Variants in ATP13A1 observed in about 807,000 individuals in gnomAD.
The protein encoded by ATP13A1 is ATPase 13A1.
A neutral mutation model predicts 134.8 loss-of-function variants in ATP13A1; 55 were observed. The observed-to-expected ratio is 0.41, with a 90% CI of 0.33 to 0.51. ATP13A1 has a LOEUF of 0.51. ATP13A1 is among the 20% of genes least tolerant of loss of function. ATP13A1 has a pLI of 0.29. For missense variants in ATP13A1, 1,389 were observed against 1,652.8 expected, an observed-to-expected ratio of 0.84 and a Z score of 2.77; for synonymous variants, 775 against 725.1, an observed-to-expected ratio of 1.07 and a Z score of -1.10.
At chr19:19,657,429 T>G (rs1032452881) in intron 3 of ATP13A1, 21 bp from the exon 4 acceptor site, 2 of 1,556,542 alleles carry the variant, frequency 1.3e-6, no homozygotes, top group African/African-American at 2.7e-5. Flanking sequence ...CCAGGCCCCA[T>G]CCTGTTCCCA....
Position 19,655,407 on chromosome 19 carries a change from G to A in ATP13A1, c.1443C>T (p.Cys481=). The change falls in exon 11 of 26, where the codon TGC becomes TGT. Residue 481 remains cysteine (C), a synonymous_variant. Coordinates refer to ENST00000357324, the MANE Select transcript of ATP13A1 (RefSeq NM_020410.3). The surrounding 1 kb of genome is among the most constrained non-coding windows in gnomAD (Gnocchi z 5.7). The part of the protein sequence containing the change: ...SRNRYKLFLE[C]TLILTSVVPP... ...GCACGACCGAGGTGAGGATCAGGGT[G>A]CACTCCAGAAACAGCTTGTAGCGGT... is the stretch of plus-strand genomic sequence containing the variant. 6.2e-7 allele frequency: 1 copy of A among 1,614,020 alleles called. No homozygotes were observed. The highest frequency in any genetic ancestry group is 8.5e-7 in the Non-Finnish European group (1 of 1,179,886).
chr19:19,663,141 G>A, intron 1 of ATP13A1, 130 bp downstream of exon 1: 3 of 1,321,756 alleles, frequency 2.3e-6, no homozygotes, highest in Non-Finnish European at 3.2e-6. Flanking sequence ...AGTGTAGAGG[G>A]TGCCCCTGGG....
In ATP13A1 at chr19:19,647,303, G is replaced by T. The variant is rs749591190; in HGVS notation, c.2931C>A (p.Gly977=). The stretch of plus-strand genomic sequence containing the variant: ...GTAGCGTGGTCACCAGCGTGCAGCG[G>T]CCCTGCTTGATCACGTGGCAGACTG... ...IQCICHVIKQ[G]RCTLVTTLQM... Residue 977 remains glycine (G), a synonymous_variant, in exon 22 of 26, where the codon GGC becomes GGA. Transcript: ENST00000357324. This position sits in a 1 kb window ranked among gnomAD's most constrained non-coding sequence, Gnocchi z 4.8. 6.2e-7 allele frequency: 1 copy of T among 1,613,034 alleles called. No homozygotes were observed. Among genetic ancestry groups the T allele is most frequent in the Non-Finnish European group, 8.5e-7 (1 of 1,179,668 alleles).
At position 19,654,162 on chromosome 19, in the gene ATP13A1, C is replaced by A. The variant is rs760543105; in HGVS notation, c.1814-18G>T. On this transcript the variant is annotated intron_variant, in intron 13 of 25. Coordinates refer to ENST00000357324, the MANE Select transcript of ATP13A1 (RefSeq NM_020410.3). ...TTTCTCATCTGGAAACAAATAAGTA[C>A]GAGTCCTGAGGGGCTTTGCTCCAAA... 1 of 1,571,180 alleles carries A rather than the reference C, an allele frequency of 6.4e-7. No homozygotes were observed. Among genetic ancestry groups the A allele is most frequent in the East Asian group, 2.3e-5 (1 of 43,028 alleles).
In ATP13A1 at chr19:19,647,865, G is replaced by A; in HGVS notation, c.2633-106C>T. ...GAAGTCCCCCAGCTGGCTCCCGTGA[G>A]GACAGTTCCCAGACTTCCCCATTTC... is the stretch of plus-strand genomic sequence containing the variant. On this transcript the variant is annotated intron_variant, in intron 19 of 25. Coordinates refer to ENST00000357324, the MANE Select transcript of ATP13A1 (RefSeq NM_020410.3). This position sits in a 1 kb window ranked among gnomAD's most constrained non-coding sequence, Gnocchi z 4.8. The A allele has an allele frequency of 7.2e-7, 1 of 1,390,722 alleles. No individual in the cohort carries two copies. Among genetic ancestry groups the A allele is most frequent in the Non-Finnish European group, 9.6e-7 (1 of 1,044,902 alleles). 86.1% of individuals were successfully genotyped at this position (1,390,722 alleles called of 1,614,324 possible).
At chr19:19,657,976 T>A (rs2062070159) in intron 3 of ATP13A1, among the ~76,000 whole-genome samples, 1 of 151,680 alleles carries the variant, frequency 6.6e-6, no homozygotes, top group Admixed American at 6.6e-5. Flanking sequence ...CAGCAAGACC[T>A]TCTATTTACA....
chr19:19,646,955 C>CGA (rs2061990146), intron 22 of ATP13A1, 174 bp downstream of exon 22: 1 of 705,898 alleles, frequency 1.4e-6, no homozygotes, highest in Non-Finnish European at 2.3e-6. Context: ...CTGGAGGGGT[C>CGA]TGGGAGCCTC....
intron 16 of ATP13A1, among the ~76,000 whole-genome samples, chr19:19,652,235 A>G (rs985229234): frequency 1.3e-5 from 2 of 152,144 alleles, no homozygotes; most frequent in East Asian, 1.9e-4. Flanking sequence ...GTCCCAAAAT[A>G]GAAAACACAA....
chr19:19,655,470 T>C lies in ATP13A1; in HGVS notation c.1397-17A>G. On this transcript the variant is annotated splice_polypyrimidine_tract_variant and intron_variant, in intron 10 of 25. Transcript: ENST00000357324. This position sits in a 1 kb window ranked among gnomAD's most constrained non-coding sequence, Gnocchi z 5.7. ...CCTTGGTACCTGTGGAGACAGGGCC[T>C]GCCAACCTGGAGCCTCGGAGGGTGG... is the stretch of plus-strand genomic sequence containing the variant. 6.2e-7 allele frequency: 1 copy of C among 1,613,910 alleles called. No homozygotes were observed. Among genetic ancestry groups the C allele is most frequent in the Non-Finnish European group, 8.5e-7 (1 of 1,179,858 alleles).
In ATP13A1 at chr19:19,657,423, GC is replaced by G. The variant is rs2062066682; in HGVS notation, c.678-16del. 2 of 1,558,566 alleles carry G rather than the reference GC, an allele frequency of 1.3e-6. No homozygotes were observed. The highest frequency in any genetic ancestry group is 1.4e-5 in the African/African-American group (1 of 73,326). On this transcript the variant is annotated splice_polypyrimidine_tract_variant and intron_variant, in intron 3 of 25. Coordinates refer to ENST00000357324, the MANE Select transcript of ATP13A1 (RefSeq NM_020410.3). ...CCATCTCGGCCCTGCAAGAGACCAG[GC>G]CCCATCCTGTTCCCAGGGCAAGGCC...
At position 19,649,831 on chromosome 19, in the gene ATP13A1, G is replaced by A. The variant is rs2062012761; in HGVS notation, c.2445C>T (p.Gly815=). 2 of 1,603,080 alleles carry A rather than the reference G, an allele frequency of 1.2e-6. No individual in the cohort carries two copies. The highest frequency in any genetic ancestry group is 1.1e-5 in the South Asian group (1 of 90,900). Reference sequence around the variant, plus strand: ...GGTCGGTGGCCTGCAGGTGGGCCAAGCCGTCGCCTGTGAGGCACAGTGCGT... The same window carrying A: ...GGTCGGTGGCCTGCAGGTGGGCCAAACCGTCGCCTGTGAGGCACAGTGCGT... ...LEYALCLTGD[G]LAHLQATDPQ... Residue 815 remains glycine, a synonymous_variant, in exon 18 of 26, where the codon GGC becomes GGT. Coordinates refer to ENST00000357324, the MANE Select transcript of ATP13A1 (RefSeq NM_020410.3).
At position 19,659,929 on chromosome 19, in the gene ATP13A1, G is replaced by A; in HGVS notation, c.455C>T (p.Ser152Phe). ...VKVVPTPNNG[S>F]TELVALHRNE... is the part of the protein sequence containing the mutation. ...GCGGTGCAGGGCCACGAGCTCCGTG[G>A]AGCCATTGTTGGGGGTTGGCACCAC... is the stretch of plus-strand genomic sequence containing the variant. The change falls in exon 2 of 26, where the codon TCC becomes TTC. Residue 152 changes from serine (S) to phenylalanine (F), a missense_variant. Physicochemically the swap from Ser to Phe is radical, Grantham distance 155. Transcript: ENST00000357324. The A allele has an allele frequency of 1.9e-6, 3 of 1,587,252 alleles. No homozygotes were observed. The highest frequency in any genetic ancestry group is 2.3e-5 in the South Asian group (2 of 87,562).
Position 19,663,589 on chromosome 19 carries a change from G to C in ATP13A1, c.78C>G (p.Pro26=), listed in dbSNP as rs1283631034. ...RPCGVRPDGQ[P]KPGPQPRALL... is the part of the protein sequence containing the mutation. The stretch of plus-strand genomic sequence containing the variant: ...GCGCGCGCGGCTGCGGCCCGGGCTT[G>C]GGCTGCCCGTCAGGCCGGACCCCGC... Residue 26 remains proline (P), a synonymous_variant, in exon 1 of 26, where the codon CCC becomes CCG. Coordinates refer to ENST00000357324, the MANE Select transcript of ATP13A1 (RefSeq NM_020410.3). 1 of 1,461,728 alleles carries C rather than the reference G, an allele frequency of 6.8e-7. No individual in the cohort carries two copies. Among genetic ancestry groups the C allele is most frequent in the Non-Finnish European group, 9.0e-7 (1 of 1,117,150 alleles). The allele number at this position is 1,461,728 out of a possible 1,614,324, so 90.5% of individuals were successfully genotyped here. A position where few individuals can be genotyped will look rare whatever the true frequency, so the allele number is the denominator to read the frequency against.
rs1386157338 is a variant in ATP13A1 at position 19,653,450 on chromosome 19, G to A, written c.2100+334C>T. On this transcript the variant is annotated intron_variant, in intron 15 of 25. Transcript: ENST00000357324. This position sits in a 1 kb window ranked among gnomAD's most constrained non-coding sequence, Gnocchi z 4.2. ...CGGCAGATGTGCCGGTGGTGGAGGCGGAGGGTGGGCTTTGTGGAGGATGGA... is the reference window on the plus strand; with the variant it reads ...CGGCAGATGTGCCGGTGGTGGAGGCAGAGGGTGGGCTTTGTGGAGGATGGA... 8 of 363,794 alleles carry A rather than the reference G, an allele frequency of 2.2e-5. No homozygotes were observed. Among genetic ancestry groups the A allele is most frequent in the Admixed American group, 4.4e-5 (1 of 22,550 alleles). The allele number at this position is 363,794 out of a possible 1,614,324, so 22.5% of individuals were successfully genotyped here. A position where few individuals can be genotyped will look rare whatever the true frequency, so the allele number is the denominator to read the frequency against.
rs746207194 is a variant in ATP13A1, at chr19:19,649,777, A to G, written c.2499T>C (p.His833=). The change falls in exon 18 of 26, where the codon CAT becomes CAC. Residue 833 remains histidine (H), a synonymous_variant. Transcript: ENST00000357324. The part of the protein sequence containing the change: ...DPQQLLRLIP[H]VQVFARVAPK... ...GAGCCACACGGGCGAACACCTGCACATGGGGGATGAGGCGGAGCAGCTGCT... is the reference window on the plus strand; with the variant it reads ...GAGCCACACGGGCGAACACCTGCACGTGGGGGATGAGGCGGAGCAGCTGCT... 6.2e-6 allele frequency: 10 copies of G among 1,601,632 alleles called. No homozygotes were observed. The highest frequency in any genetic ancestry group is 1.1e-5 in the South Asian group (1 of 90,666).
chr19:19,647,983 C>G lies in ATP13A1; in HGVS notation c.2633-224G>C, dbSNP rs750353208. ...AACCACCAACAATAAACCCCCACAA[C>G]AAATGCAATGAAAAAACACACAACA... On this transcript the variant is annotated intron_variant, in intron 19 of 25. Transcript: ENST00000357324. The surrounding 1 kb of genome is among the most constrained non-coding windows in gnomAD (Gnocchi z 4.8). Among the ~76,000 whole-genome samples the G allele has an allele frequency of 6.6e-6, 1 of 152,154 alleles. No homozygotes were observed. Among genetic ancestry groups the G allele is most frequent in the Non-Finnish European group, 1.5e-5 (1 of 68,024 alleles).
chr19:19,649,613 A>G lies in ATP13A1; in HGVS notation c.2586T>C (p.Cys862=). The change falls in exon 19 of 26, where the codon TGT becomes TGC. Residue 862 remains cysteine (C), a synonymous_variant. Coordinates refer to ENST00000357324, the MANE Select transcript of ATP13A1 (RefSeq NM_020410.3). ...CGCCCACGTCGTTGGTGCCATCCCC[A>G]CACATGAGGGTCACGTAGCCCAGCT... is the stretch of plus-strand genomic sequence containing the variant. ...LKELGYVTLM[C]GDGTNDVGAL... 6.2e-7 allele frequency: 1 copy of G among 1,613,882 alleles called. No homozygotes were observed. The highest frequency in any genetic ancestry group is 8.5e-7 in the Non-Finnish European group (1 of 1,179,860).
chr19:19,647,789 G>A lies in ATP13A1; in HGVS notation c.2633-30C>T, dbSNP rs1280628431. 1.3e-6 allele frequency: 2 copies of A among 1,564,502 alleles called. No individual in the cohort carries two copies. The highest frequency in any genetic ancestry group is 1.7e-6 in the Non-Finnish European group (2 of 1,161,432). ...GGGGCAGGAGGGTGTCAGACCCGGAGGAGCAGGCTCCACGGAGGGGAAGAT... is the reference window on the plus strand; with the variant it reads ...GGGGCAGGAGGGTGTCAGACCCGGAAGAGCAGGCTCCACGGAGGGGAAGAT... On this transcript the variant is annotated intron_variant, in intron 19 of 25. Coordinates refer to ENST00000357324, the MANE Select transcript of ATP13A1 (RefSeq NM_020410.3). The surrounding 1 kb of genome is among the most constrained non-coding windows in gnomAD (Gnocchi z 4.8).
chr19:19,662,962 C>G, intron 1 of ATP13A1: 1 of 518,630 alleles, frequency 1.9e-6, no homozygotes, highest in East Asian at 3.8e-5. Context: ...GTATAAACAA[C>G]TCCTACCTGA....
Sources: gnomAD v4.1 joint callset for allele counts (sites outside exome capture counted in the v4.1 genomes callset) on GRCh38, gnomAD v4.1.1 for gene constraint, Gnocchi (gnomAD v3.1) non-coding constraint, MANE v1.5 for transcripts, NCBI Gene and HGNC (gene_info 2026-07-23, HGNC 2026-07-21) for gene names.